The following SLC37A1 variants were observed in gnomAD, a reference collection of about 807,000 sequenced individuals.
SLC37A1 encodes solute carrier family 37 member 1, also known as glucose-6-phosphate exchanger SLC37A1.
A neutral mutation model predicts 75.3 loss-of-function variants in SLC37A1; 49 were observed. That is an observed-to-expected ratio of 0.65 (90% CI 0.52 to 0.83). The LOEUF is 0.83. Ranked by LOEUF, SLC37A1 falls within the 40% of genes least tolerant of loss-of-function variation. The pLI is 0.00. For synonymous variants in SLC37A1, 268 were observed against 292.1 expected (o/e 0.92, Z 0.84); for missense variants, 566 against 695.0 (o/e 0.81, Z 2.09).
intron 17 of SLC37A1, among the ~76,000 whole-genome samples, chr21:42,570,449 G>T (rs548571691): frequency 6.6e-6 from 1 of 152,344 alleles, no homozygotes; most frequent in East Asian, 1.9e-4. Flanking sequence ...GGCTTTGAGT[G>T]TATTGGGTGG....
Position 42,524,886 on chromosome 21 carries a change from A to G in SLC37A1, c.57-890A>G, listed in dbSNP as rs577151399. 7.2e-4 allele frequency among the ~76,000 whole-genome samples: 110 copies of G among 152,072 alleles called. 2 individuals are homozygous for G. The highest frequency in any genetic ancestry group is 3.3e-4 in the Admixed American group (5 of 15,284). On this transcript the variant is annotated intron_variant, in intron 2 of 19. Transcript: ENST00000352133. ...GGTGACTGTGGCGGGCCCCAGGACAACCTCCTGGGGGACTGGTTGCCAGGG... is the reference window on the plus strand; with the variant it reads ...GGTGACTGTGGCGGGCCCCAGGACAGCCTCCTGGGGGACTGGTTGCCAGGG...
rs531472633 is a variant in SLC37A1, at chr21:42,519,123, C to T, written c.56+613C>T. On this transcript the variant is annotated intron_variant, in intron 2 of 19. Transcript: ENST00000352133. ...AGAGGAAAAACTTTGCTTCTACCCT[C>T]GTAGGTTCTGTTTTGGGGGACCTGG... Among the ~76,000 whole-genome samples, 26 of 152,268 alleles carry T rather than the reference C, an allele frequency of 1.7e-4. No homozygotes were observed. The South Asian group carries it at 4.8e-3, about 28-fold the overall frequency.
In SLC37A1 at chr21:42,534,751, C is replaced by T; in HGVS notation, c.192C>T (p.Ser64=). Residue 64 remains serine, a synonymous_variant, in exon 4 of 20, where the codon AGC becomes AGT. Transcript: ENST00000352133. ...TAWDEADVRF[S]SQNRKSGSAA... ...GGGATGAAGCTGACGTCAGGTTCAGCAGCCAGAACAGGAAGTCTGGGTCCG... is the reference window on the plus strand; with the variant it reads ...GGGATGAAGCTGACGTCAGGTTCAGTAGCCAGAACAGGAAGTCTGGGTCCG... The T allele has an allele frequency of 6.2e-7, 1 of 1,614,038 alleles. No homozygotes were observed. The highest frequency in any genetic ancestry group is 8.5e-7 in the Non-Finnish European group (1 of 1,179,976).
rs116993937 is a variant in SLC37A1, at chr21:42,549,420, G to A, written c.768+2280G>A. 3.0e-4 allele frequency among the ~76,000 whole-genome samples: 46 copies of A among 152,340 alleles called. 3 individuals are homozygous for A. The East Asian group carries it at 8.9e-3, about 29-fold the overall frequency. On this transcript the variant is annotated intron_variant, in intron 9 of 19. Transcript: ENST00000352133. ...TTCTCCCCGTTCAAATCCTCTCCGA[G>A]CAGTTCACTGAGATCTACTGGTGCC...
rs541505142 is a variant in SLC37A1 at position 42,548,550 on chromosome 21, C to T, written c.768+1410C>T. The stretch of plus-strand genomic sequence containing the variant: ...GGGATGTGGAATGGAAACCCTCTCA[C>T]CTCCTCCGCCTCTACCACCCTGGTC... On this transcript the variant is annotated intron_variant, in intron 9 of 19. Transcript: ENST00000352133. The surrounding 1 kb of genome is among the most constrained non-coding windows in gnomAD (Gnocchi z 5.6). Among the ~76,000 whole-genome samples the T allele has an allele frequency of 1.3e-5, 2 of 152,288 alleles. No homozygotes were observed. The highest frequency in any genetic ancestry group is 1.9e-4 in the East Asian group (1 of 5,166).
chr21:42,562,886 G>A (rs80031449), intron 12 of SLC37A1, among the ~76,000 whole-genome samples: 6 of 152,146 alleles, frequency 3.9e-5, no homozygotes, highest in Non-Finnish European at 5.9e-5. Flanking sequence ...GGCAGAATCC[G>A]GCAATGTCTC....
chr21:42,520,551 G>A (rs533287407), intron 2 of SLC37A1, among the ~76,000 whole-genome samples: 16 of 152,336 alleles, frequency 1.1e-4, no homozygotes, highest in African/African-American at 3.4e-4. Flanking sequence ...AGAGGGAGGG[G>A]AACTGGAAGG....
At chr21:42,530,654 A>ACACACACACACACACACACCCC (rs1161313598) in intron 3 of SLC37A1, among the ~76,000 whole-genome samples, 3 of 35,880 alleles carry the variant, frequency 8.4e-5, no homozygotes, top group Non-Finnish European at 1.6e-4. Context: ...ACACACACAC[A>ACACACACACACACACACACCCC]CCCCCTCTGT....
chr21:42,574,832 C>T lies in SLC37A1; in HGVS notation c.1438C>T (p.Pro480Ser). The change falls in exon 18 of 20, where the codon CCC becomes TCC. Residue 480 changes from proline to serine, a missense_variant. By Grantham distance (74) the Pro-to-Ser change is moderately conservative. Transcript: ENST00000352133. The part of the protein sequence containing the change: ...GTGSVGAALG[P>S]LLAGLLSPSG... ...CCTGATTTCAGGAGCAGCCCTGGGC[C>T]CCCTGCTGGCTGGGCTCCTCTCCCC... is the stretch of plus-strand genomic sequence containing the variant. 2 of 1,614,118 alleles carry T rather than the reference C, an allele frequency of 1.2e-6. No individual in the cohort carries two copies. The highest frequency in any genetic ancestry group is 1.7e-6 in the Non-Finnish European group (2 of 1,179,998).
intron 12 of SLC37A1, 144 bp downstream of exon 12, chr21:42,562,312 T>C (rs2055850309): frequency 1.4e-6 from 1 of 700,070 alleles, no homozygotes; most frequent in Non-Finnish European, 2.5e-6. Flanking sequence ...AGTACTATGA[T>C]GAAACATAGG....
intron 17 of SLC37A1, among the ~76,000 whole-genome samples, chr21:42,574,037 GCA>G (rs760251796): frequency 3.9e-5 from 6 of 151,974 alleles, no homozygotes; most frequent in South Asian, 2.1e-4. Context: ...ACACACACAT[GCA>G]CACACACATA....
At chr21:42,538,333 G>C (rs1385391161) in intron 5 of SLC37A1, among the ~76,000 whole-genome samples, 1 of 152,220 alleles carries the variant, frequency 6.6e-6, no homozygotes, top group Non-Finnish European at 1.5e-5. Context: ...ATAATTTTAA[G>C]TTACTTTCTT....
rs61516267 is a variant in SLC37A1 at position 42,550,960 on chromosome 21, A to G, written c.769-3102A>G. ...GGGCATCTAATAAAACCCACACCTC[A>G]CAGTGTGCTTAATGGTGAAAGACCA... is the stretch of plus-strand genomic sequence containing the variant. On this transcript the variant is annotated intron_variant, in intron 9 of 19. Transcript: ENST00000352133. 7.6e-3 allele frequency among the ~76,000 whole-genome samples: 1,161 copies of G among 152,362 alleles called. 18 individuals are homozygous for G. The highest frequency in any genetic ancestry group is 0.026 in the African/African-American group (1,101 of 41,582).
At chr21:42,523,699 G>A (rs1417263052) in intron 2 of SLC37A1, among the ~76,000 whole-genome samples, 1 of 152,260 alleles carries the variant, frequency 6.6e-6, no homozygotes. Context: ...TGGGCTTGGA[G>A]AGGAAGAATT....
rs573347357 is a variant in SLC37A1 at position 42,539,572 on chromosome 21, C to T, written c.411C>T (p.Ser137=). 59 of 1,613,942 alleles carry T rather than the reference C, an allele frequency of 3.7e-5. No individual in the cohort carries two copies. The highest frequency in any genetic ancestry group is 1.9e-4 in the African/African-American group (14 of 75,040). Residue 137 remains serine (S), a synonymous_variant, in exon 6 of 20, where the codon AGC becomes AGT. Coordinates refer to ENST00000352133, the MANE Select transcript of SLC37A1 (RefSeq NM_001320537.2). ...ACCTAACTTTCGGGATGCTCGCCAG[C>T]GGAGCCTTCACCGCCCTGTTCGGCT... ...RYYLTFGMLA[S]GAFTALFGLG... is the part of the protein sequence containing the mutation.
rs763771476 is a variant in SLC37A1 at position 42,579,735 on chromosome 21, G to A, written c.1522-1G>A. 6.2e-7 allele frequency: 1 copy of A among 1,614,180 alleles called. No homozygotes were observed. Among genetic ancestry groups the A allele is most frequent in the Non-Finnish European group, 8.5e-7 (1 of 1,180,038 alleles). On this transcript the variant is annotated splice_acceptor_variant, in intron 18 of 19. Transcript: ENST00000352133. LOFTEE classifies it high-confidence loss of function. ...GTGGGCTCACCTTTGTTTTGGTGCA[G>A]TTCCTGATCCGCCTCATACACAAGG...
At chr21:42,566,719 G>A (rs1275656177) in intron 15 of SLC37A1, among the ~76,000 whole-genome samples, 1 of 152,170 alleles carries the variant, frequency 6.6e-6, no homozygotes, top group Non-Finnish European at 1.5e-5. Context: ...CCTTTCTGCT[G>A]CAGATGAAGC....
At position 42,552,357 on chromosome 21, in the gene SLC37A1, A is replaced by G. The variant is rs1301416051; in HGVS notation, c.769-1705A>G. Among the ~76,000 whole-genome samples the G allele has an allele frequency of 6.6e-6, 1 of 152,228 alleles. No homozygotes were observed. Among genetic ancestry groups the G allele is most frequent in the Non-Finnish European group, 1.5e-5 (1 of 68,040 alleles). On this transcript the variant is annotated intron_variant, in intron 9 of 19. Coordinates refer to ENST00000352133, the MANE Select transcript of SLC37A1 (RefSeq NM_001320537.2). This position sits in a 1 kb window ranked among gnomAD's most constrained non-coding sequence, Gnocchi z 4.2. ...TAGAAAAGCCCACAGGCAGTTACTA[A>G]AACAAGATGGGAAGGTATTTCTCTC...
At chr21:42,542,649 G>A (rs1447442396) in intron 7 of SLC37A1, among the ~76,000 whole-genome samples, 169 bp downstream of exon 7, 2 of 152,282 alleles carry the variant, frequency 1.3e-5, no homozygotes, top group African/African-American at 2.4e-5. Flanking sequence ...TGTGTCCCAC[G>A]AGACAGGGGA....
Sources: gnomAD v4.1 joint callset for allele counts (sites outside exome capture counted in the v4.1 genomes callset) on GRCh38, gnomAD v4.1.1 for gene constraint, Gnocchi (gnomAD v3.1) non-coding constraint, MANE v1.5 for transcripts, NCBI Gene and HGNC (gene_info 2026-07-23, HGNC 2026-07-21) for gene names.